Variants in TRPM7 observed in about 807,000 individuals in gnomAD.
TRPM7 encodes the protein transient receptor potential cation channel subfamily M member 7.
Under a neutral mutation model 229.7 loss-of-function variants are expected in TRPM7, and 134 were observed. The ratio of observed to expected loss-of-function variants is 0.58; its 90% CI spans 0.51 to 0.67. The LOEUF is 0.67. TRPM7 is among the 30% of genes least tolerant of loss of function. The pLI, the probability that TRPM7 is intolerant of heterozygous loss-of-function variation, is 0.00. For missense variants in TRPM7, 1,901 were observed against 2,210.0 expected (o/e 0.86, Z 2.80); for synonymous variants, 699 against 715.2 (o/e 0.98, Z 0.36).
At position 50,666,575 on chromosome 15, in the gene TRPM7, G is replaced by A. The variant is rs563223254; in HGVS notation, c.4-3529C>T. On this transcript the variant is annotated intron_variant, in intron 1 of 38. Coordinates refer to ENST00000646667, the MANE Select transcript of TRPM7 (RefSeq NM_017672.6). ...TCCCAGCACTTTGGGAGGCTGAGGCGGGCAGATCACCTGACGTTGGGAGTT... is the reference window on the plus strand; with the variant it reads ...TCCCAGCACTTTGGGAGGCTGAGGCAGGCAGATCACCTGACGTTGGGAGTT... Among the ~76,000 whole-genome samples, 14 of 150,248 alleles carry A rather than the reference G, an allele frequency of 9.3e-5. No homozygotes were observed. In the East Asian group the frequency reaches 2.0e-3, roughly 22 times the overall value.
At position 50,686,771 on chromosome 15, in the gene TRPM7, G is replaced by A; in HGVS notation, c.-238C>T. Reference sequence around the variant, plus strand: ...TGGCCACAGGGACGCGCCCGCGCCCGCCTCCGCCGGCGACGGGGCTGGGGA... The same window carrying A: ...TGGCCACAGGGACGCGCCCGCGCCCACCTCCGCCGGCGACGGGGCTGGGGA... On this transcript the variant is annotated 5_prime_UTR_variant, in exon 1 of 39. Coordinates refer to ENST00000646667, the MANE Select transcript of TRPM7 (RefSeq NM_017672.6). 1 of 459,602 alleles carries A rather than the reference G, an allele frequency of 2.2e-6. No homozygotes were observed. 28.5% of individuals were successfully genotyped at this position (459,602 alleles called of 1,614,324 possible).
chr15:50,607,500 T>G (rs1181912034), intron 19 of TRPM7, among the ~76,000 whole-genome samples, 172 bp from the exon 20 acceptor site: 1 of 152,200 alleles, frequency 6.6e-6, no homozygotes, highest in Admixed American at 6.5e-5. Flanking sequence ...GCACAGACAT[T>G]GCATTTATTG....
intron 23 of TRPM7, 39 bp from the exon 24 acceptor site, chr15:50,594,652 AATC>A: frequency 7.2e-7 from 1 of 1,382,598 alleles, no homozygotes; most frequent in Non-Finnish European, 9.8e-7. Flanking sequence ...AAACTTTGTT[AATC>A]ATCTCTTAAA....
intron 5 of TRPM7, among the ~76,000 whole-genome samples, chr15:50,643,083 G>C (rs541413298): frequency 6.6e-6 from 1 of 152,290 alleles, no homozygotes; most frequent in South Asian, 2.1e-4. Flanking sequence ...GAGGTCAGCA[G>C]TTCGAGACCA....
At chr15:50,640,856 T>C (rs8042320) in intron 5 of TRPM7, among the ~76,000 whole-genome samples, 72,089 of 151,922 alleles carry the variant, frequency 0.47, 17,689 homozygotes, top group East Asian at 0.57. Flanking sequence ...GAGGACACAG[T>C]GTGAAGATGA....
At chr15:50,570,536 T>G (rs978272551) in intron 36 of TRPM7, among the ~76,000 whole-genome samples, 1 of 152,080 alleles carries the variant, frequency 6.6e-6, no homozygotes, top group African/African-American at 2.4e-5. Context: ...GAATAATCCA[T>G]AGGACTTTAA....
rs763473357 is a variant in TRPM7, at chr15:50,619,780, G to C, written c.1459C>G (p.Pro487Ala). Residue 487 changes from proline (P) to alanine (A), a missense_variant, in exon 13 of 39, where the codon CCA becomes GCA. Around this residue, in one of 8 missense-constraint regions of TRPM7, gnomAD observed 794 missense variants for 881.9 expected, o/e 0.90. Coordinates refer to ENST00000646667, the MANE Select transcript of TRPM7 (RefSeq NM_017672.6). ...LYNTKQGPTN[P>A]MLFHLVRDVK... ...TCTCGAACAAGATGAAACAGCATTG[G>C]ATTAGTTGGACCTTGTTTCTTTAGG... 3 of 1,600,956 alleles carry C rather than the reference G, an allele frequency of 1.9e-6. No individual in the cohort carries two copies. The African/African-American group carries it at 4.0e-5, about 22-fold the overall frequency.
At position 50,586,404 on chromosome 15, in the gene TRPM7, G is replaced by C. The variant is rs777640891; in HGVS notation, c.4474C>G (p.His1492Asp). The C allele has an allele frequency of 6.2e-7, 1 of 1,607,242 alleles. No individual in the cohort carries two copies. The highest frequency in any genetic ancestry group is 8.5e-7 in the Non-Finnish European group (1 of 1,173,970). The change falls in exon 28 of 39, where the codon CAT becomes GAT. Residue 1492 changes from histidine (H) to aspartate (D), a missense_variant. This residue lies in a region of TRPM7 where 533 missense variants were observed against 497.1 expected (regional missense o/e 1.07). Coordinates refer to ENST00000646667, the MANE Select transcript of TRPM7 (RefSeq NM_017672.6). ...TDCHRTSIPV[H>D]SKQAEKISRR... ...TCAAAATACTCACCTTGTTTTGAAT[G>C]AACAGGAATGGAAGTTCTGTGACAG...
chr15:50,680,401 T>C (rs1168109824), intron 1 of TRPM7, among the ~76,000 whole-genome samples: 2 of 151,428 alleles, frequency 1.3e-5, no homozygotes, highest in Non-Finnish European at 2.9e-5. Context: ...TTTTAAAAAA[T>C]AAAAATAAAA....
At chr15:50,605,848 T>G (rs2059905236) in intron 20 of TRPM7, among the ~76,000 whole-genome samples, 1 of 152,178 alleles carries the variant, frequency 6.6e-6, no homozygotes, top group African/African-American at 2.4e-5. Context: ...AACAACAGAT[T>G]TAATAAACAT....
chr15:50,592,354 A>C lies in TRPM7; in HGVS notation c.3881T>G (p.Val1294Gly), dbSNP rs2059526975. 3.7e-6 allele frequency: 6 copies of C among 1,614,054 alleles called. No individual in the cohort carries two copies. Among genetic ancestry groups the C allele is most frequent in the South Asian group, 1.1e-5 (1 of 91,096 alleles). Residue 1294 changes from valine (V) to glycine (G), a missense_variant, in exon 26 of 39, where the codon GTT becomes GGT. Physicochemically the swap from Val to Gly is moderately radical, Grantham distance 109. Coordinates refer to ENST00000646667, the MANE Select transcript of TRPM7 (RefSeq NM_017672.6). The part of the protein sequence containing the change: ...VRPSVWKKHG[V>G]VNTLSSSLPQ... ...AAGAGAGGAGCTAAGTGTATTTACA[A>C]CACCATGCTTTTTCCATACAGAAGG...
At chr15:50,666,011 A>G (rs1179414843) in intron 1 of TRPM7, among the ~76,000 whole-genome samples, 1 of 152,126 alleles carries the variant, frequency 6.6e-6, no homozygotes, top group Non-Finnish European at 1.5e-5. Context: ...ATAATTTAAA[A>G]AAAAGGCTGA....
chr15:50,607,048 A>G (rs2059934943), intron 20 of TRPM7, 152 bp downstream of exon 20: 1 of 550,538 alleles, frequency 1.8e-6, no homozygotes, highest in African/African-American at 1.9e-5. Context: ...TTTTGCCATT[A>G]TTTTGGGAAC....
In TRPM7 at chr15:50,592,453, T is replaced by C. The variant is rs757787871; in HGVS notation, c.3782A>G (p.His1261Arg). ...GCTCAGTTCTCGTGTGATTTCATTA[T>C]GAACTTTGCTAGCTTCCGACGCTTT... ...AQKASEASKVHNEITRELSIS... is the reference protein window; with the variant it reads ...AQKASEASKVRNEITRELSIS... The change falls in exon 26 of 39, where the codon CAT (histidine) becomes CGT (arginine). Residue 1261 changes from histidine to arginine, a missense_variant. By Grantham distance (29) the His-to-Arg change is conservative. Transcript: ENST00000646667. 3.7e-6 allele frequency: 6 copies of C among 1,614,092 alleles called. No individual in the cohort carries two copies. In the East Asian group the frequency reaches 6.7e-5, roughly 18 times the overall value.
chr15:50,582,501 A>T (rs760579486), intron 29 of TRPM7: 5 of 152,130 alleles, frequency 3.3e-5, no homozygotes, highest in African/African-American at 4.8e-5. Context: ...GTTAGGCTTT[A>T]ATTTGTTGCA....
At chr15:50,633,159 G>A (rs764265717) in intron 8 of TRPM7, among the ~76,000 whole-genome samples, 167 bp from the exon 9 acceptor site, 5 of 152,164 alleles carry the variant, frequency 3.3e-5, no homozygotes, top group African/African-American at 4.8e-5. Context: ...CAACACAAAT[G>A]TTAGAAGGAA....
chr15:50,607,232 T>C lies in TRPM7; in HGVS notation c.2677A>G (p.Ile893Val), dbSNP rs1254607159. Residue 893 changes from isoleucine to valine, a missense_variant, in exon 20 of 39, where the codon ATT (isoleucine) becomes GTT (valine). Physicochemically the swap from Ile to Val is conservative, Grantham distance 29 (BLOSUM62 3). Coordinates refer to ENST00000646667, the MANE Select transcript of TRPM7 (RefSeq NM_017672.6). ...ACTTTCTCAATGGCATAAGTAAAAA[T>C]ATAAGCAATAACAATCCATTCTTGA... ...SVQEWIVIAY[I>V]FTYAIEKVRE... 1.2e-6 allele frequency: 2 copies of C among 1,611,154 alleles called. No homozygotes were observed. The highest frequency in any genetic ancestry group is 1.7e-5 in the Admixed American group (1 of 59,564).
rs144749337 is a variant in TRPM7, at chr15:50,603,472, C to G, written c.2988+1394G>C. On this transcript the variant is annotated intron_variant, in intron 21 of 38. Transcript: ENST00000646667. ...CCTCCCCCTGCCCCCCACCCCATGA[C>G]AGGCCCCAGCGTGTGATGTTCCCCA... 8.2e-3 allele frequency among the ~76,000 whole-genome samples: 1,217 copies of G among 147,656 alleles called. 22 individuals are homozygous for G. The highest frequency in any genetic ancestry group is 0.029 in the African/African-American group (1,153 of 39,914).
intron 1 of TRPM7, among the ~76,000 whole-genome samples, chr15:50,664,946 C>A (rs1327266986): frequency 6.6e-6 from 1 of 152,040 alleles, no homozygotes; most frequent in African/African-American, 2.4e-5. Flanking sequence ...GCCTCGTTGA[C>A]AGAGCAAGAC....
Sources: allele counts gnomAD v4.1 joint callset (sites outside exome capture counted in the v4.1 genomes callset), GRCh38; gene constraint gnomAD v4.1.1; regional missense constraint gnomAD v4.1.1; transcripts MANE v1.5; gene names NCBI Gene and HGNC (gene_info 2026-07-23, HGNC 2026-07-21).